The following UBXN11 variants were observed in gnomAD, a reference collection of about 807,000 sequenced individuals.
UBXN11 encodes the protein UBX domain-containing protein 11.
UBXN11 carries 47 observed loss-of-function variants against 62.8 expected under a neutral mutation model. The observed-to-expected ratio is 0.75, with a 90% CI of 0.59 to 0.95. The LOEUF is 0.95. Among genes scored for constraint, UBXN11 ranks in the 40% least tolerant of loss-of-function variants. The pLI is 0.00. For synonymous variants in UBXN11, 294 were observed against 267.0 expected (o/e 1.10, Z -0.99); for missense variants, 638 against 661.7 (o/e 0.96, Z 0.39).
intron 7 of UBXN11, among the ~76,000 whole-genome samples, chr1:26,294,663 C>T (rs568622603): frequency 2.6e-5 from 4 of 152,194 alleles, no homozygotes; most frequent in Admixed American, 6.5e-5. Context: ...GCAGAAATCA[C>T]GTGGCCTGGC....
chr1:26,292,472 C>T (rs1177862176), intron 8 of UBXN11, among the ~76,000 whole-genome samples: 1 of 152,014 alleles, frequency 6.6e-6, no homozygotes, highest in Non-Finnish European at 1.5e-5. Context: ...TGAGCCATGA[C>T]TGTGCCACTG....
intron 3 of UBXN11, 123 bp downstream of exon 3, chr1:26,301,571 A>C (rs978120605): frequency 5.1e-6 from 7 of 1,384,252 alleles, no homozygotes; most frequent in Non-Finnish European, 6.9e-6. Flanking sequence ...TGCACAGAAC[A>C]CGGTGGAGGC....
intron 1 of UBXN11, among the ~76,000 whole-genome samples, chr1:26,313,445 C>A (rs1435853143): frequency 6.6e-6 from 1 of 152,098 alleles, no homozygotes; most frequent in Non-Finnish European, 1.5e-5. Context: ...TCTCACATTA[C>A]CCCCTTGATT....
In UBXN11 at chr1:26,285,930, C is replaced by T. The variant is rs763898877; in HGVS notation, c.667G>A (p.Gly223Ser). 2 of 1,613,648 alleles carry T rather than the reference C, an allele frequency of 1.2e-6. No individual in the cohort carries two copies. Among genetic ancestry groups the T allele is most frequent in the Non-Finnish European group, 8.5e-7 (1 of 1,179,634 alleles). ...TCGAGGGTACGCAGCCGTGCCCCGC[C>T]GGGCACTGGTGTCACTTGGGTGTCA... ...EGDTQVTPVP[G>S]GARLRTLEPI... The change falls in exon 9 of 15, where the codon GGC (glycine) becomes AGC (serine). Residue 223 changes from glycine (G) to serine (S), a missense_variant. By Grantham distance (56) the Gly-to-Ser change is moderately conservative (BLOSUM62 0). Transcript: ENST00000374222.
chr1:26,293,863 C>T (rs4659370), intron 8 of UBXN11, among the ~76,000 whole-genome samples: 132,800 of 152,066 alleles, frequency 0.87, 58,964 homozygotes, highest in Non-Finnish European at 0.93. Context: ...GAAGGATTGC[C>T]TTTTTTTAAA....
At chr1:26,314,845 G>A (rs1570149847) in intron 1 of UBXN11, among the ~76,000 whole-genome samples, 1 of 152,194 alleles carries the variant, frequency 6.6e-6, no homozygotes, top group Non-Finnish European at 1.5e-5. Flanking sequence ...CCCTGGGGAA[G>A]GGGCTTCTAA....
chr1:26,318,244 C>T (rs2073818568), exon 1 of UBXN11: 1 of 618,644 alleles, frequency 1.6e-6, no homozygotes, highest in Admixed American at 2.9e-5. Context: ...AGCCTTCCAG[C>T]TCTTCTGGCT....
intron 8 of UBXN11, among the ~76,000 whole-genome samples, chr1:26,287,298 T>C (rs1570090324): frequency 7.2e-5 from 1 of 13,934 alleles, no homozygotes; most frequent in South Asian, 9.1e-4. Flanking sequence ...AGCTCTGGCC[T>C]CCTCTTCTGA....
chr1:26,288,768 A>G (rs1374259452), intron 8 of UBXN11, among the ~76,000 whole-genome samples: 4 of 152,148 alleles, frequency 2.6e-5, no homozygotes, highest in African/African-American at 9.7e-5. Context: ...CCTGTCTGTA[A>G]ATGACAGCCC....
upstream of UBXN11, chr1:26,306,833 G>GGGGGGGTGGT (rs2073680982): frequency 3.1e-5 from 1 of 32,068 alleles, no homozygotes; most frequent in Non-Finnish European, 1.2e-4. Flanking sequence ...GCGGGGTGGG[G>GGGGGGGTGGT]GGGGGGGGTG....
upstream of UBXN11, among the ~76,000 whole-genome samples, chr1:26,309,007 G>A (rs1376104397): frequency 3.1e-5 from 4 of 129,350 alleles, no homozygotes; most frequent in South Asian, 2.7e-4. Context: ...ATCGTGGCTC[G>A]CCACAACCTC....
intron 8 of UBXN11, among the ~76,000 whole-genome samples, chr1:26,291,119 C>T (rs951638008): frequency 6.6e-6 from 1 of 152,138 alleles, no homozygotes; most frequent in South Asian, 2.1e-4. Context: ...TCGGCACAGA[C>T]GGCCCTGGCT....
At chr1:26,293,737 A>AG (rs2073327813) in intron 8 of UBXN11, among the ~76,000 whole-genome samples, 1 of 148,380 alleles carries the variant, frequency 6.7e-6, no homozygotes, top group South Asian at 2.1e-4. Flanking sequence ...AAAAAAAAAA[A>AG]AAAAAAAAAA....
intron 8 of UBXN11, among the ~76,000 whole-genome samples, chr1:26,289,487 C>T (rs1030129506): frequency 6.6e-6 from 1 of 152,024 alleles, no homozygotes; most frequent in African/African-American, 2.4e-5. Flanking sequence ...ATGCTGGGCA[C>T]CCCTTGAGCT....
exon 1 of UBXN11, chr1:26,318,217 A>G (rs553823061): frequency 1.3e-4 from 93 of 702,934 alleles, no homozygotes; most frequent in Middle Eastern, 3.7e-4. Flanking sequence ...CTGGGGACAC[A>G]GCGGGCCTGG....
At position 26,285,993 on chromosome 1, in the gene UBXN11, C is replaced by G. The variant is rs748261824; in HGVS notation, c.604G>C (p.Ala202Pro). 6.2e-7 allele frequency: 1 copy of G among 1,611,922 alleles called. No homozygotes were observed. The highest frequency in any genetic ancestry group is 1.1e-5 in the South Asian group (1 of 90,958). Residue 202 changes from alanine (A) to proline (P), a missense_variant, in exon 9 of 15, where the codon GCC (alanine) becomes CCC (proline). Ala to Pro is a conservative substitution (Grantham distance 27, BLOSUM62 -1). Coordinates refer to ENST00000374222, the MANE Select transcript of UBXN11 (RefSeq NM_001389556.1). ...PPEVDFDRLLASLQDLSELVV... is the reference protein window; with the variant it reads ...PPEVDFDRLLPSLQDLSELVV... ...AGCTCACTAAGATCCTGCAGGCTGG[C>G]CAGCAGCCTGTCAAAGTCCACCTCA...
chr1:26,317,682 T>A (rs769269127), intron 1 of UBXN11, among the ~76,000 whole-genome samples: 3 of 152,144 alleles, frequency 2.0e-5, no homozygotes, highest in Non-Finnish European at 2.9e-5. Context: ...GGTCAGTGAT[T>A]AAACCAGGAT....
intron 1 of UBXN11, 80 bp from the exon 2 acceptor site, chr1:26,302,998 C>T (rs2073577236): frequency 2.2e-6 from 2 of 917,584 alleles, no homozygotes. Flanking sequence ...TTTCCACTTC[C>T]CTGGCTACTC....
chr1:26,307,412 G>A (rs534197576), upstream of UBXN11, among the ~76,000 whole-genome samples: 8 of 152,268 alleles, frequency 5.3e-5, no homozygotes, highest in African/African-American at 1.9e-4. Flanking sequence ...GTAATGCAAA[G>A]TACACGATTT....
Sources: allele counts gnomAD v4.1 joint callset (sites outside exome capture counted in the v4.1 genomes callset), GRCh38; gene constraint gnomAD v4.1.1; transcripts MANE v1.5; gene names NCBI Gene and HGNC (gene_info 2026-07-23, HGNC 2026-07-21).